POLE4: variants seen among roughly 807,000 people sequenced by gnomAD.
POLE4 encodes the protein DNA polymerase epsilon 4, accessory subunit.
A neutral mutation model predicts 15.6 loss-of-function variants in POLE4; 15 were observed. The observed-to-expected ratio is 0.96, with a 90% CI of 0.64 to 1.48. The LOEUF is 1.48. Among genes scored for constraint, POLE4 ranks in the 40% most tolerant of loss-of-function variants. The pLI is 0.00. For synonymous variants in POLE4, 83 were observed against 63.2 expected (o/e 1.31, Z -1.49); for missense variants, 205 against 151.9 (o/e 1.35, Z -1.84).
At chr2:74,969,067 A>T (rs1005908204) in intron 3 of POLE4, among the ~76,000 whole-genome samples, 17 of 152,336 alleles carry the variant, frequency 1.1e-4, no homozygotes, top group African/African-American at 4.1e-4. Context: ...TTCTAAAAAG[A>T]TTATAAACTC....
In POLE4 at chr2:74,959,388, G is replaced by A; in HGVS notation, c.261G>A (p.Gln87=). Residue 87 remains glutamine, a synonymous_variant, in exon 2 of 4, where the codon CAG becomes CAA. Transcript: ENST00000483063. ...TIAKDAYCCA[Q]QGKRKTLQRR... is the part of the protein sequence containing the mutation. The stretch of plus-strand genomic sequence containing the variant: ...CAAAAGATGCCTACTGTTGCGCTCA[G>A]CAGGGAAAAAGGAAAACCCTTCAGA... 1 of 1,613,832 alleles carries A rather than the reference G, an allele frequency of 6.2e-7. No individual in the cohort carries two copies. Among genetic ancestry groups the A allele is most frequent in the Non-Finnish European group, 8.5e-7 (1 of 1,179,760 alleles).
chr2:74,966,743 C>T (rs1020291299), intron 3 of POLE4, among the ~76,000 whole-genome samples: 3 of 152,138 alleles, frequency 2.0e-5, no homozygotes, highest in Admixed American at 1.3e-4. Context: ...TGATCATTTT[C>T]TTCTTCCTGA....
At chr2:74,959,571 A>C (rs1395724437) in intron 2 of POLE4, 146 bp downstream of exon 2, 2 of 601,314 alleles carry the variant, frequency 3.3e-6, no homozygotes, top group Non-Finnish European at 6.0e-6. Flanking sequence ...AGTGCCAGGA[A>C]GCCCTACCTG....
At chr2:74,964,984 A>G (rs1359838876) in intron 3 of POLE4, among the ~76,000 whole-genome samples, 1 of 152,070 alleles carries the variant, frequency 6.6e-6, no homozygotes, top group Admixed American at 6.5e-5. Context: ...AGATTTTTTA[A>G]CAGATTATGA....
rs1483813033 is a variant in POLE4 at position 74,958,778 on chromosome 2, G to A, written c.99G>A (p.Val33=). 6.4e-7 allele frequency: 1 copy of A among 1,550,420 alleles called. No individual in the cohort carries two copies. The highest frequency in any genetic ancestry group is 2.5e-5 in the East Asian group (1 of 40,668). Residue 33 remains valine, a synonymous_variant, in exon 1 of 4, where the codon GTG becomes GTA. Coordinates refer to ENST00000483063, the MANE Select transcript of POLE4 (RefSeq NM_019896.4). ...CGCAGCCCCAGGCCCCAACGAGTGT[G>A]CCTGGGGCTCGTCTCTCGAGGTTGC... ...AASQPQAPTS[V]PGARLSRLPL...
chr2:74,958,905 C>G lies in POLE4; in HGVS notation c.213+13C>G, dbSNP rs377423757. On this transcript the variant is annotated intron_variant, in intron 1 of 3. Transcript: ENST00000483063. ...GGCACGAGCCGCGGTGCGCCTGCAG[C>G]GCGAGGGCATGCGGGAGTGGGGGAG... 779 of 1,550,220 alleles carry G rather than the reference C, an allele frequency of 5.0e-4. 2 individuals carry two copies. Among genetic ancestry groups the G allele is most frequent in the Non-Finnish European group, 5.7e-4 (656 of 1,146,264 alleles).
chr2:74,968,832 G>C (rs1318172905), intron 3 of POLE4, among the ~76,000 whole-genome samples: 2 of 151,756 alleles, frequency 1.3e-5, no homozygotes, highest in Non-Finnish European at 2.9e-5. Context: ...CTTTTCTGCT[G>C]CAGCCCCCTC....
At position 74,958,825 on chromosome 2, in the gene POLE4, T is replaced by C; in HGVS notation, c.146T>C (p.Leu49Ser). 6.4e-7 allele frequency: 1 copy of C among 1,558,532 alleles called. No individual in the cohort carries two copies. Among genetic ancestry groups the C allele is most frequent in the Non-Finnish European group, 8.7e-7 (1 of 1,151,366 alleles). The change falls in exon 1 of 4, where the codon TTG (leucine) becomes TCG (serine). Residue 49 changes from leucine to serine, a missense_variant. By Grantham distance (145) the Leu-to-Ser change is moderately radical. Transcript: ENST00000483063. ...TTGCCTCTGGCGCGAGTGAAGGCCT[T>C]GGTGAAGGCAGATCCCGACGTGACG... ...SRLPLARVKA[L>S]VKADPDVTLA...
chr2:74,967,934 C>G (rs570464782), intron 3 of POLE4, among the ~76,000 whole-genome samples: 9 of 152,198 alleles, frequency 5.9e-5, no homozygotes, highest in Admixed American at 2.0e-4. Flanking sequence ...GAGGGGGCAG[C>G]CTTTTGGGCT....
chr2:74,958,669 T>C lies in POLE4; in HGVS notation c.-11T>C, dbSNP rs1029318481. 12 of 1,439,622 alleles carry C rather than the reference T, an allele frequency of 8.3e-6. No homozygotes were observed. Among genetic ancestry groups the C allele is most frequent in the Non-Finnish European group, 1.1e-5 (12 of 1,103,472 alleles). The allele number at this position is 1,439,622 out of a possible 1,614,324, so 89.2% of individuals were successfully genotyped here. On this transcript the variant is annotated 5_prime_UTR_variant, in exon 1 of 4. Coordinates refer to ENST00000483063, the MANE Select transcript of POLE4 (RefSeq NM_019896.4). Reference sequence around the variant, plus strand: ...CAGTCGGCGGCCGCGCGCAGCACGCTCAAGGCCGGGATGGCGGCGGCGGCG... The same window carrying C: ...CAGTCGGCGGCCGCGCGCAGCACGCCCAAGGCCGGGATGGCGGCGGCGGCG...
intron 3 of POLE4, among the ~76,000 whole-genome samples, chr2:74,961,839 G>T (rs866511834): frequency 2.2e-4 from 34 of 152,302 alleles, no homozygotes; most frequent in African/African-American, 8.2e-4. Context: ...TGTGGATTCA[G>T]TCTGCATTAT....
chr2:74,963,625 C>G (rs533771707), intron 3 of POLE4, among the ~76,000 whole-genome samples: 1 of 152,122 alleles, frequency 6.6e-6, no homozygotes, highest in East Asian at 1.9e-4. Context: ...GTAACTGGGA[C>G]TACAGGCGTG....
intron 1 of POLE4, chr2:74,959,109 G>GT (rs770798336): frequency 3.3e-6 from 2 of 609,720 alleles, no homozygotes; most frequent in Non-Finnish European, 5.8e-6. Context: ...ACTTTAATTT[G>GT]TATCTCCAGG....
chr2:74,959,413 A>T lies in POLE4; in HGVS notation c.286A>T (p.Arg96Trp), dbSNP rs1671182729. Residue 96 changes from arginine (R) to tryptophan (W), a missense_variant, in exon 2 of 4, where the codon AGG (arginine) becomes TGG (tryptophan). Physicochemically the swap from Arg to Trp is moderately radical, Grantham distance 101. Transcript: ENST00000483063. ...GCAGGGAAAAAGGAAAACCCTTCAG[A>T]GGAGAGACTTGGGTAGAGTGGCACT... ...AQQGKRKTLQ[R>W]RDLDNAIEAV... The T allele has an allele frequency of 6.2e-7, 1 of 1,609,942 alleles. No individual in the cohort carries two copies.
At chr2:74,966,256 A>G (rs1671295099) in intron 3 of POLE4, among the ~76,000 whole-genome samples, 1 of 151,998 alleles carries the variant, frequency 6.6e-6, no homozygotes, top group African/African-American at 2.4e-5. Context: ...TCAATTTTCA[A>G]ATTCCTCGTC....
intron 3 of POLE4, among the ~76,000 whole-genome samples, chr2:74,965,722 T>C (rs1671285438): frequency 6.6e-6 from 1 of 152,252 alleles, no homozygotes; most frequent in Non-Finnish European, 1.5e-5. Flanking sequence ...TTGTTGGTGA[T>C]TGAGCCTTTT....
chr2:74,963,882 G>A (rs540861035), intron 3 of POLE4, among the ~76,000 whole-genome samples: 4 of 150,998 alleles, frequency 2.6e-5, no homozygotes, highest in East Asian at 3.9e-4. Flanking sequence ...CTTTTGATAC[G>A]CATTAAAATA....
chr2:74,969,458 A>G lies in POLE4; in HGVS notation c.*36A>G, dbSNP rs370655590. ...GGGCAGTTTTGTGAGCCTTCATCTG[A>G]AGCCTTCAGTTCACCCCTCTGCACA... is the stretch of plus-strand genomic sequence containing the variant. On this transcript the variant is annotated 3_prime_UTR_variant, in exon 4 of 4. Coordinates refer to ENST00000483063, the MANE Select transcript of POLE4 (RefSeq NM_019896.4). 120 of 1,607,508 alleles carry G rather than the reference A, an allele frequency of 7.5e-5. No individual in the cohort carries two copies. The highest frequency in any genetic ancestry group is 1.0e-4 in the Non-Finnish European group (117 of 1,174,160).
chr2:74,958,885 G>T lies in POLE4; in HGVS notation c.206G>T (p.Arg69Leu), dbSNP rs935556931. ...CAGGAAGCCATCTTCATTCTGGCAC[G>T]AGCCGCGGTGCGCCTGCAGCGCGAG... is the stretch of plus-strand genomic sequence containing the variant. ...AGQEAIFILA[R>L]AAELFVETIA... The change falls in exon 1 of 4, where the codon CGA (arginine) becomes CTA (leucine). Residue 69 changes from arginine to leucine, a missense_variant. Physicochemically the swap from Arg to Leu is moderately radical, Grantham distance 102. Transcript: ENST00000483063. 2 of 1,555,300 alleles carry T rather than the reference G, an allele frequency of 1.3e-6. No individual in the cohort carries two copies. Among genetic ancestry groups the T allele is most frequent in the African/African-American group, 1.4e-5 (1 of 73,350 alleles).
Sources: allele counts gnomAD v4.1 joint callset (sites outside exome capture counted in the v4.1 genomes callset), GRCh38; gene constraint gnomAD v4.1.1; transcripts MANE v1.5; gene names NCBI Gene and HGNC (gene_info 2026-07-23, HGNC 2026-07-21).